Variants in PLPPR1 observed in about 807,000 individuals in gnomAD.
The protein encoded by PLPPR1 is phospholipid phosphatase-related protein type 1.
Under a neutral mutation model 33.1 loss-of-function variants are expected in PLPPR1, and 10 were observed. That is an observed-to-expected ratio of 0.30 (90% CI 0.19 to 0.51). The LOEUF is 0.51. Ranked by LOEUF, PLPPR1 falls within the 20% of genes least tolerant of loss-of-function variation. The pLI is 0.97. For synonymous variants in PLPPR1, 151 were observed against 151.0 expected (o/e 1.00, Z 0.00); for missense variants, 304 against 408.1 (o/e 0.74, Z 2.20).
At chr9:101,191,360 TA>T (rs1369369136) in intron 2 of PLPPR1, among the ~76,000 whole-genome samples, 2 of 152,150 alleles carry the variant, frequency 1.3e-5, no homozygotes, top group Non-Finnish European at 2.9e-5. Context: ...CCTCAAAAAT[TA>T]AAAAGAGATA....
chr9:101,251,059 T>A (rs1242190364), intron 2 of PLPPR1, among the ~76,000 whole-genome samples: 1 of 152,100 alleles, frequency 6.6e-6, no homozygotes, highest in East Asian at 1.9e-4. Flanking sequence ...CTTTCTTCAA[T>A]TCATATTCAG....
At chr9:101,175,058 GTT>G (rs1416537676) in intron 1 of PLPPR1, among the ~76,000 whole-genome samples, 1 of 152,098 alleles carries the variant, frequency 6.6e-6, no homozygotes, top group Non-Finnish European at 1.5e-5. Flanking sequence ...ACCTGGCATT[GTT>G]TTTAGAGTTT....
intron 1 of PLPPR1, among the ~76,000 whole-genome samples, chr9:101,181,211 A>G (rs1826105440): frequency 6.8e-6 from 1 of 147,964 alleles, no homozygotes; most frequent in Non-Finnish European, 1.5e-5. Flanking sequence ...ATGTATATAT[A>G]TATTCTCATC....
chr9:101,279,651 T>A (rs1156605917), intron 3 of PLPPR1, among the ~76,000 whole-genome samples: 1 of 152,046 alleles, frequency 6.6e-6, no homozygotes, highest in African/African-American at 2.4e-5. Context: ...AAACTAATAA[T>A]CAATAAGAGG....
At chr9:101,047,302 C>T (rs1830165313) in intron 1 of PLPPR1, among the ~76,000 whole-genome samples, 1 of 152,164 alleles carries the variant, frequency 6.6e-6, no homozygotes, top group African/African-American at 2.4e-5. Context: ...GTTGGGAACT[C>T]TCAAGTTTTG....
chr9:101,086,229 T>C (rs962022426), intron 1 of PLPPR1, among the ~76,000 whole-genome samples: 1 of 152,194 alleles, frequency 6.6e-6, no homozygotes, highest in Admixed American at 6.5e-5. Context: ...TGATAGCAGA[T>C]ATTAGGCTAG....
intron 1 of PLPPR1, among the ~76,000 whole-genome samples, chr9:101,038,809 C>G (rs1301342436): frequency 6.6e-6 from 1 of 152,108 alleles, no homozygotes; most frequent in Non-Finnish European, 1.5e-5. Flanking sequence ...CATCCTCCCG[C>G]CCATCCCTGC....
intron 7 of PLPPR1, among the ~76,000 whole-genome samples, chr9:101,318,609 T>TA (rs1387123397): frequency 2.0e-5 from 3 of 151,822 alleles, no homozygotes; most frequent in Non-Finnish European, 2.9e-5. Flanking sequence ...CTGTCTCTAC[T>TA]AAAAAAATAC....
At chr9:101,229,435 A>T (rs969427459) in intron 2 of PLPPR1, among the ~76,000 whole-genome samples, 15 of 152,192 alleles carry the variant, frequency 9.9e-5, no homozygotes, top group Admixed American at 9.2e-4. Context: ...TATAAAACCA[A>T]TACATATAAA....
intron 1 of PLPPR1, among the ~76,000 whole-genome samples, chr9:101,074,035 G>A (rs951673804): frequency 5.3e-5 from 8 of 152,218 alleles, no homozygotes; most frequent in East Asian, 1.9e-4. Flanking sequence ...CCAGGAAAGC[G>A]CATGAAACAA....
intron 1 of PLPPR1, among the ~76,000 whole-genome samples, chr9:101,106,481 C>A (rs1319572347): frequency 3.4e-5 from 4 of 118,420 alleles, no homozygotes; most frequent in Admixed American, 3.3e-4. Context: ...TTGGCCCCCA[C>A]TCTCTTCTGG....
chr9:101,081,057 A>G (rs868006173), intron 1 of PLPPR1, among the ~76,000 whole-genome samples: 9 of 152,060 alleles, frequency 5.9e-5, no homozygotes, highest in Non-Finnish European at 1.3e-4. Context: ...TCAGTCTACC[A>G]AGTCAGTTGT....
At chr9:101,261,417 C>A (rs1330039749) in intron 2 of PLPPR1, among the ~76,000 whole-genome samples, 1 of 152,114 alleles carries the variant, frequency 6.6e-6, no homozygotes, top group Non-Finnish European at 1.5e-5. Context: ...ACTGGATGAT[C>A]ACATTTCGTC....
intron 1 of PLPPR1, among the ~76,000 whole-genome samples, chr9:101,151,194 A>G (rs1016163573): frequency 1.3e-5 from 2 of 152,206 alleles, no homozygotes; most frequent in African/African-American, 4.8e-5. Context: ...AGATAACACC[A>G]AAGTAATGGG....
At chr9:101,306,862 C>T (rs1357945333) in intron 4 of PLPPR1, among the ~76,000 whole-genome samples, 2 of 152,178 alleles carry the variant, frequency 1.3e-5, no homozygotes, top group African/African-American at 4.8e-5. Context: ...GCAAAAGTAG[C>T]TGTTTTTAGC....
intron 2 of PLPPR1, among the ~76,000 whole-genome samples, chr9:101,244,095 A>G (rs1397735987): frequency 6.6e-6 from 1 of 151,962 alleles, no homozygotes; most frequent in Non-Finnish European, 1.5e-5. Flanking sequence ...GGAGTGTCAA[A>G]TGCTGCAGAG....
intron 1 of PLPPR1, among the ~76,000 whole-genome samples, chr9:101,132,573 A>G (rs918819769): frequency 3.9e-5 from 6 of 152,304 alleles, no homozygotes; most frequent in African/African-American, 1.2e-4. Flanking sequence ...GTATGATACT[A>G]TAATGATGGA....
chr9:101,318,843 T>C (rs1266870029), intron 7 of PLPPR1, among the ~76,000 whole-genome samples: 1 of 152,046 alleles, frequency 6.6e-6, no homozygotes, highest in Non-Finnish European at 1.5e-5. Context: ...TGCCCGAGGT[T>C]GTATAGGTAG....
chr9:101,285,677 C>T (rs1371653466), intron 3 of PLPPR1, among the ~76,000 whole-genome samples: 1 of 152,156 alleles, frequency 6.6e-6, no homozygotes, highest in Non-Finnish European at 1.5e-5. Context: ...CCAGTTTTCA[C>T]AAACCTGTTG....
Sources: gnomAD v4.1 joint callset for allele counts (sites outside exome capture counted in the v4.1 genomes callset) on GRCh38, gnomAD v4.1.1 for gene constraint, MANE v1.5 for transcripts, NCBI Gene and HGNC (gene_info 2026-07-23, HGNC 2026-07-21) for gene names.